The following SLC25A24 variants were observed in gnomAD, a reference collection of about 807,000 sequenced individuals.
SLC25A24 encodes mitochondrial adenyl nucleotide antiporter SLC25A24.
Under a neutral mutation model 60.7 loss-of-function variants are expected in SLC25A24, and 49 were observed. That is an observed-to-expected ratio of 0.81 (90% CI 0.64 to 1.02). The LOEUF (loss-of-function observed/expected upper bound fraction) is 1.02. SLC25A24 is among the 50% of genes least tolerant of loss of function. SLC25A24 has a pLI of 0.00. For synonymous variants in SLC25A24, 202 were observed against 200.6 expected (o/e 1.01, Z -0.06); for missense variants, 564 against 586.3 (o/e 0.96, Z 0.39).
At chr1:108,168,032 C>G (rs1237010944) in intron 3 of SLC25A24, among the ~76,000 whole-genome samples, 1 of 152,152 alleles carries the variant, frequency 6.6e-6, no homozygotes, top group Non-Finnish European at 1.5e-5. Context: ...AAAGAAGGTG[C>G]TCATTTATTT....
intron 1 of SLC25A24, chr1:108,199,337 A>C (rs1648590462): frequency 6.6e-6 from 1 of 152,410 alleles, no homozygotes; most frequent in African/African-American, 2.4e-5. Flanking sequence ...CACAGTTAAG[A>C]TGACTCAGAG....
chr1:108,199,026 A>T (rs1039937671), intron 1 of SLC25A24: 1 of 152,274 alleles, frequency 6.6e-6, no homozygotes, highest in Admixed American at 6.5e-5. Context: ...CTACAGATTC[A>T]GTCAGAAGTG....
intron 3 of SLC25A24, among the ~76,000 whole-genome samples, chr1:108,171,435 T>C (rs959218375): frequency 1.3e-5 from 2 of 152,200 alleles, no homozygotes; most frequent in Non-Finnish European, 2.9e-5. Context: ...ACTGCTGAAA[T>C]AATCCATAGG....
chr1:108,179,958 G>A (rs1201035820), intron 3 of SLC25A24, among the ~76,000 whole-genome samples: 1 of 152,130 alleles, frequency 6.6e-6, no homozygotes, highest in Non-Finnish European at 1.5e-5. Flanking sequence ...AAAACATCAT[G>A]TTGTACATGA....
intron 3 of SLC25A24, among the ~76,000 whole-genome samples, chr1:108,174,178 C>T (rs1647583795): frequency 6.6e-6 from 1 of 152,194 alleles, no homozygotes; most frequent in African/African-American, 2.4e-5. Flanking sequence ...AGGAAGGGCC[C>T]TCCCATCATA....
At chr1:108,199,165 A>G (rs1259664536) in intron 1 of SLC25A24, 1 of 152,238 alleles carries the variant, frequency 6.6e-6, no homozygotes, top group East Asian at 1.9e-4. Context: ...CAAAGACATT[A>G]AAAGAGAAGT....
intron 7 of SLC25A24, among the ~76,000 whole-genome samples, chr1:108,146,594 A>G (rs376057517): frequency 1.8e-4 from 28 of 152,348 alleles, no homozygotes; most frequent in African/African-American, 6.5e-4. Context: ...CATTCCATCA[A>G]TAACTAGTTT....
intron 3 of SLC25A24, among the ~76,000 whole-genome samples, chr1:108,168,632 G>A (rs1409705862): frequency 2.0e-5 from 3 of 152,142 alleles, no homozygotes; most frequent in African/African-American, 7.2e-5. Context: ...ATGTTCATTT[G>A]CTACTGCTGT....
chr1:108,200,198 C>A lies in SLC25A24; in HGVS notation c.-60G>T. ...TCACGGGAGATCGAGGGCTGCGGGG[C>A]GAGACCGGGACCAGCGCGAGGCCGG... On this transcript the variant is annotated 5_prime_UTR_variant, in exon 1 of 10. Coordinates refer to ENST00000565488, the MANE Select transcript of SLC25A24 (RefSeq NM_013386.5). 1 of 1,461,162 alleles carries A rather than the reference C, an allele frequency of 6.8e-7. No homozygotes were observed. The highest frequency in any genetic ancestry group is 9.1e-7 in the Non-Finnish European group (1 of 1,103,998). 90.5% of individuals were successfully genotyped at this position (1,461,162 alleles called of 1,614,324 possible).
intron 3 of SLC25A24, among the ~76,000 whole-genome samples, chr1:108,168,935 A>G (rs1176831651): frequency 2.0e-5 from 3 of 152,148 alleles, no homozygotes; most frequent in Non-Finnish European, 2.9e-5. Context: ...TGAGATAAAG[A>G]TATTTCTTCC....
At chr1:108,180,669 C>A (rs1043269453) in intron 3 of SLC25A24, among the ~76,000 whole-genome samples, 4 of 122,486 alleles carry the variant, frequency 3.3e-5, no homozygotes, top group South Asian at 2.7e-4. Flanking sequence ...TCTCTCTCTG[C>A]CATATGACAA....
intron 3 of SLC25A24, among the ~76,000 whole-genome samples, chr1:108,169,348 G>A (rs1647361503): frequency 6.6e-6 from 1 of 152,050 alleles, no homozygotes; most frequent in African/African-American, 2.4e-5. Context: ...AAAAAAACCA[G>A]GTGGGTTTTT....
intron 6 of SLC25A24, among the ~76,000 whole-genome samples, chr1:108,152,863 T>C (rs1679792274): frequency 6.6e-6 from 1 of 152,144 alleles, no homozygotes; most frequent in Admixed American, 6.5e-5. Context: ...AAAAGGAAAC[T>C]AGAACAGAAG....
At chr1:108,145,076 A>G (rs1035700208) in intron 7 of SLC25A24, among the ~76,000 whole-genome samples, 3 of 152,142 alleles carry the variant, frequency 2.0e-5, no homozygotes, top group African/African-American at 4.8e-5. Context: ...ATTTCTCCAC[A>G]TATTTGCCAG....
At chr1:108,199,928 C>G (rs553284654) in intron 1 of SLC25A24, 28 bp downstream of exon 1, 1 of 1,576,170 alleles carries the variant, frequency 6.3e-7, no homozygotes, top group African/African-American at 1.3e-5. Context: ...CCTCCCTACG[C>G]TCAGGCGGCG....
chr1:108,157,765 GATTAT>G (rs1473370940), intron 4 of SLC25A24, 145 bp from the exon 5 acceptor site: 5 of 825,784 alleles, frequency 6.1e-6, no homozygotes, highest in Non-Finnish European at 9.4e-6. Context: ...TGAGTACATA[GATTAT>G]AAGTTGTCTA....
At chr1:108,146,715 G>A (rs927200336) in intron 7 of SLC25A24, among the ~76,000 whole-genome samples, 1 of 152,100 alleles carries the variant, frequency 6.6e-6, no homozygotes, top group Non-Finnish European at 1.5e-5. Context: ...GATGAATTCC[G>A]TTATATTGAT....
chr1:108,157,698 CAT>C, intron 4 of SLC25A24, 78 bp from the exon 5 acceptor site: 1 of 1,480,038 alleles, frequency 6.8e-7, no homozygotes, highest in Non-Finnish European at 9.2e-7. Flanking sequence ...AGAGAAGAAT[CAT>C]GTTATTTTAC....
At chr1:108,185,641 T>G (rs1648097598) in intron 2 of SLC25A24, among the ~76,000 whole-genome samples, 187 bp downstream of exon 2, 1 of 152,118 alleles carries the variant, frequency 6.6e-6, no homozygotes, top group Non-Finnish European at 1.5e-5. Context: ...AAAGAAAAGC[T>G]ATCTATAAGT....
Sources: gnomAD v4.1 joint callset for allele counts (sites outside exome capture counted in the v4.1 genomes callset) on GRCh38, gnomAD v4.1.1 for gene constraint, MANE v1.5 for transcripts, NCBI Gene and HGNC (gene_info 2026-07-23, HGNC 2026-07-21) for gene names.